The following TPGS2 variants were observed in gnomAD, a reference collection of about 807,000 sequenced individuals.
TPGS2 encodes polyglutamylase subunit 2.
TPGS2 carries 26 observed loss-of-function variants against 31.1 expected under a neutral mutation model. The observed-to-expected ratio is 0.84, with a 90% CI of 0.61 to 1.16. The LOEUF (loss-of-function observed/expected upper bound fraction) is 1.16, where lower values mean the gene tolerates loss of function less well. Ranked by LOEUF, TPGS2 falls within the 50% of genes most tolerant of loss-of-function variation. The probability of loss-of-function intolerance (pLI) is 0.00; values close to 1 mark genes in which losing one functional copy is unlikely to be tolerated. For synonymous variants in TPGS2, 130 were observed against 136.6 expected (o/e 0.95, Z 0.34); for missense variants, 351 against 363.8 (o/e 0.96, Z 0.29).
chr18:36,787,114 G>C, intron 6 of TPGS2: 16 of 1,232,334 alleles, frequency 1.3e-5, no homozygotes, highest in Non-Finnish European at 1.6e-5. Flanking sequence ...CATGGGTCTT[G>C]GTTCAGAATT....
chr18:36,827,889 C>G (rs2046246513), intron 1 of TPGS2, among the ~76,000 whole-genome samples: 1 of 152,098 alleles, frequency 6.6e-6, no homozygotes, highest in South Asian at 2.1e-4. Context: ...AACCTCACGT[C>G]TAACATAGTG....
In TPGS2 at chr18:36,800,588, CAG is replaced by C. The variant is rs943824049; in HGVS notation, c.383-279_383-278del. Reference sequence around the variant, plus strand: ...AGCAAACTTCTTGGAAGTGGGACCACAGAGCAATCTGAATGGCTTGATGCTGA... The same window carrying C: ...AGCAAACTTCTTGGAAGTGGGACCACAGCAATCTGAATGGCTTGATGCTGA... On this transcript the variant is annotated intron_variant, in intron 4 of 6. Transcript: ENST00000334295. Among the ~76,000 whole-genome samples, 22 of 152,134 alleles carry C rather than the reference CAG, an allele frequency of 1.4e-4. 1 individual carries two copies. Among genetic ancestry groups the C allele is most frequent in the African/African-American group, 5.1e-4 (21 of 41,420 alleles).
chr18:36,780,580 A>G (rs111622496), downstream of TPGS2, among the ~76,000 whole-genome samples: 4 of 152,316 alleles, frequency 2.6e-5, no homozygotes, highest in African/African-American at 9.6e-5. Context: ...ATCATTGTGC[A>G]GATATTATAG....
rs778822444 is a variant in TPGS2, at chr18:36,828,671, C to G, written c.85+12G>C. ...CTCCACACCCTCTCGGCACCGTGCC[C>G]CCTTTCCTCACCTAGGATGCGCGTG... On this transcript the variant is annotated intron_variant, in intron 1 of 6. Transcript: ENST00000334295. 2.7e-5 allele frequency: 43 copies of G among 1,613,898 alleles called. No individual in the cohort carries two copies. In the South Asian group the frequency reaches 4.7e-4, roughly 18 times the overall value.
chr18:36,802,961 ATTTTT>A (rs1220726327), intron 4 of TPGS2, among the ~76,000 whole-genome samples: 1 of 151,956 alleles, frequency 6.6e-6, no homozygotes, highest in Non-Finnish European at 1.5e-5. Flanking sequence ...TTAAAGTTTT[ATTTTT>A]TTAATTGACA....
In TPGS2 at chr18:36,828,950, C is replaced by A. The variant is rs2046338465; in HGVS notation, c.-183G>T. ...CAGCTCCGTGGGGCGCCGGTTCCCG[C>A]GGCCCCGCCCGGTGCCCCACACCGC... On this transcript the variant is annotated 5_prime_UTR_variant, in exon 1 of 7. Transcript: ENST00000334295. The A allele has an allele frequency of 1.0e-6, 1 of 979,454 alleles. No individual in the cohort carries two copies. The highest frequency in any genetic ancestry group is 1.4e-6 in the Non-Finnish European group (1 of 694,088). The allele number at this position is 979,454 out of a possible 1,614,324, so 60.7% of individuals were successfully genotyped here.
intron 1 of TPGS2, among the ~76,000 whole-genome samples, chr18:36,825,310 G>T (rs2046082440): frequency 6.6e-6 from 1 of 151,560 alleles, no homozygotes; most frequent in Admixed American, 6.6e-5. Flanking sequence ...TGGGCGCCTG[G>T]AGTCCCAGCT....
intron 2 of TPGS2, among the ~76,000 whole-genome samples, chr18:36,814,128 A>G (rs534183981): frequency 6.6e-6 from 1 of 152,274 alleles, no homozygotes; most frequent in African/African-American, 2.4e-5. Flanking sequence ...GGGTGTAACC[A>G]ATCAAGAATT....
At chr18:36,792,171 G>A (rs562038462), downstream of TPGS2, among the ~76,000 whole-genome samples, 2 of 152,108 alleles carry the variant, frequency 1.3e-5, no homozygotes, top group Admixed American at 6.6e-5. Flanking sequence ...AGCTACCAGG[G>A]ACTCTCTGAA....
intron 6 of TPGS2, chr18:36,788,986 C>G (rs1398939728): frequency 1.3e-5 from 2 of 152,226 alleles, no homozygotes. Flanking sequence ...CTGCTCCTTC[C>G]TTTCCCACAG....
At chr18:36,783,583 C>T (rs1034211169) in intron 6 of TPGS2, among the ~76,000 whole-genome samples, 1 of 152,294 alleles carries the variant, frequency 6.6e-6, no homozygotes, top group East Asian at 1.9e-4. Flanking sequence ...GACCCAGATT[C>T]GTTTTCTTCC....
chr18:36,807,608 G>C (rs1487738751), intron 3 of TPGS2: 2 of 546,144 alleles, frequency 3.7e-6, no homozygotes, highest in Admixed American at 6.9e-5. Context: ...ATTCCTACAG[G>C]AATCCTCTAA....
At chr18:36,816,579 T>C (rs918551977) in intron 2 of TPGS2, among the ~76,000 whole-genome samples, 5 of 152,080 alleles carry the variant, frequency 3.3e-5, no homozygotes, top group Admixed American at 2.6e-4. Context: ...AACACGAGGA[T>C]CTGACTCTCA....
chr18:36,807,656 G>A (rs76096145), intron 3 of TPGS2, 191 bp downstream of exon 3: 16,522 of 603,804 alleles, frequency 0.027, 325 homozygotes, highest in Non-Finnish European at 0.035. Context: ...ACTGTCGTGG[G>A]ATTTGTGGTG....
chr18:36,805,478 A>G lies in TPGS2; in HGVS notation c.278T>C (p.Met93Thr), dbSNP rs1234278630. The part of the protein sequence containing the change: ...LDEHIIPLGS[M>T]AINSISKLTQ... Reference sequence around the variant, plus strand: ...CAGTTTTGAGATGCTGTTAATTGCCATGCTTCCCAGTGGAATGATGTGCTC... The same window carrying G: ...CAGTTTTGAGATGCTGTTAATTGCCGTGCTTCCCAGTGGAATGATGTGCTC... The change falls in exon 4 of 7, where the codon ATG becomes ACG. Residue 93 changes from methionine to threonine, a missense_variant. Coordinates refer to ENST00000334295, the MANE Select transcript of TPGS2 (RefSeq NM_015476.4). 1.2e-6 allele frequency: 2 copies of G among 1,613,992 alleles called. No homozygotes were observed. The highest frequency in any genetic ancestry group is 1.7e-6 in the Non-Finnish European group (2 of 1,179,986).
chr18:36,792,908 T>C (rs533361081), downstream of TPGS2, among the ~76,000 whole-genome samples: 1 of 152,384 alleles, frequency 6.6e-6, no homozygotes, highest in South Asian at 2.1e-4. Context: ...GACTCCAGCA[T>C]AATGTCTTTT....
chr18:36,783,222 C>CTA (rs1316702484), intron 6 of TPGS2: 5 of 390,806 alleles, frequency 1.3e-5, no homozygotes, highest in African/African-American at 1.0e-4. Flanking sequence ...TGTTTCCCCT[C>CTA]TCTTGATGCC....
At chr18:36,828,644 T>A (rs1275174494) in intron 1 of TPGS2, 39 bp downstream of exon 1, 1 of 1,610,358 alleles carries the variant, frequency 6.2e-7, no homozygotes, top group South Asian at 1.1e-5. Context: ...TCCTTCCTTC[T>A]CCTCCACACC....
chr18:36,802,247 A>G (rs2044855074), intron 4 of TPGS2, among the ~76,000 whole-genome samples: 1 of 152,254 alleles, frequency 6.6e-6, no homozygotes, highest in Non-Finnish European at 1.5e-5. Context: ...AAGTTTTGGC[A>G]GCCCTGCCTG....
Sources: gnomAD v4.1 joint callset for allele counts (sites outside exome capture counted in the v4.1 genomes callset) on GRCh38, gnomAD v4.1.1 for gene constraint, MANE v1.5 for transcripts, NCBI Gene and HGNC (gene_info 2026-07-23, HGNC 2026-07-21) for gene names.